Variants in COX18 observed in about 807,000 individuals in gnomAD.
COX18 encodes cytochrome c oxidase assembly factor COX18.
Under a neutral mutation model 38.0 loss-of-function variants are expected in COX18, and 45 were observed. The observed-to-expected ratio is 1.18, with a 90% CI of 0.93 to 1.52. The LOEUF is 1.52. Ranked by LOEUF, COX18 falls within the 40% of genes most tolerant of loss-of-function variation. COX18 has a pLI of 0.00. For synonymous variants in COX18, 177 were observed against 169.8 expected, an observed-to-expected ratio of 1.04 and a Z score of -0.33; for missense variants, 462 against 423.8, an observed-to-expected ratio of 1.09 and a Z score of -0.79.
In COX18 at chr4:73,052,960, C is replaced by T. The variant is rs1337603569; in HGVS notation, c.*5154G>A. The T allele has an allele frequency of 6.6e-6, 1 of 151,002 alleles. No individual in the cohort carries two copies. The highest frequency in any genetic ancestry group is 1.5e-5 in the Non-Finnish European group (1 of 67,818). The allele number at this position is 151,002 out of a possible 1,614,324, so 9.4% of individuals were successfully genotyped here. ...CCTAAAAAAAAAAAAAAGGTGATTC[C>T]TGGGATTCTTAGAAGAATAAAATAT... is the stretch of plus-strand genomic sequence containing the variant. On this transcript the variant is annotated 3_prime_UTR_variant, in exon 6 of 6. Coordinates refer to ENST00000507544, the MANE Select transcript of COX18 (RefSeq NM_001297732.2).
chr4:73,062,011 C>G (rs758627671), intron 4 of COX18, 91 bp from the exon 5 acceptor site: 1 of 668,868 alleles, frequency 1.5e-6, no homozygotes, highest in Non-Finnish European at 2.7e-6. Context: ...TTTTCACTGG[C>G]CTCCATCTAC....
intron 2 of COX18, 142 bp downstream of exon 2, chr4:73,067,887 A>T (rs1720543236): frequency 2.5e-5 from 3 of 120,450 alleles, no homozygotes; most frequent in Non-Finnish European, 4.4e-5. Flanking sequence ...ATATATATAA[A>T]AAAAGAAATA....
At position 73,069,584 on chromosome 4, in the gene COX18, G is replaced by C. The variant is rs1290659210; in HGVS notation, c.66C>G (p.Asp22Glu). The C allele has an allele frequency of 1.3e-6, 2 of 1,560,260 alleles. No homozygotes were observed. The highest frequency in any genetic ancestry group is 3.8e-5 in the Admixed American group (2 of 52,214). The change falls in exon 1 of 6, where the codon GAC becomes GAG. Residue 22 changes from aspartate to glutamate, a missense_variant. Coordinates refer to ENST00000507544, the MANE Select transcript of COX18 (RefSeq NM_001297732.2). ...TCGTAGGAACCGGCGCAAGCGGCAG[G>C]TCCCTAGCCCAAAGCTGCAGGGCAG... ...PLPALQLWARDLPLAPVPTSG... is the reference protein window; with the variant it reads ...PLPALQLWARELPLAPVPTSG...
chr4:73,062,169 G>A (rs978589699), intron 4 of COX18, among the ~76,000 whole-genome samples: 2 of 151,694 alleles, frequency 1.3e-5, no homozygotes, highest in Admixed American at 6.6e-5. Context: ...TGATCCTCCC[G>A]CCTCCTCCTC....
At position 73,061,846 on chromosome 4, in the gene COX18, C is replaced by T; in HGVS notation, c.798G>A (p.Val266=). ...CCGTTGCAGCAATTGGTATCATCAACACCGACATTGCACGGACAAAGTACG... is the reference window on the plus strand; with the variant it reads ...CCGTTGCAGCAATTGGTATCATCAATACCGACATTGCACGGACAAAGTACG... ...YITYFVRAMS[V]LMIPIAATVP... The change falls in exon 5 of 6, where the codon GTG becomes GTA. Residue 266 remains valine, a synonymous_variant. Coordinates refer to ENST00000507544, the MANE Select transcript of COX18 (RefSeq NM_001297732.2). 1 of 1,612,974 alleles carries T rather than the reference C, an allele frequency of 6.2e-7. No individual in the cohort carries two copies. The highest frequency in any genetic ancestry group is 8.5e-7 in the Non-Finnish European group (1 of 1,179,268).
rs16849151 is a variant in COX18, at chr4:73,056,832, A to C, written c.*1282T>G. 34,277 of 152,134 alleles carry C rather than the reference A, an allele frequency of 0.23. 5,110 individuals carry two copies. The highest frequency in any genetic ancestry group is 0.42 in the African/African-American group (17,381 of 41,456). The allele number at this position is 152,134 out of a possible 1,614,324, so 9.4% of individuals were successfully genotyped here. On this transcript the variant is annotated 3_prime_UTR_variant, in exon 6 of 6. Coordinates refer to ENST00000507544, the MANE Select transcript of COX18 (RefSeq NM_001297732.2). ...CTCTCCACCTCCAAAATAATAAGAA[A>C]CATCTCAGCTGGGCACAGTGGCTCA... is the stretch of plus-strand genomic sequence containing the variant.
chr4:73,067,961 T>G, intron 2 of COX18, 68 bp downstream of exon 2: 1 of 391,754 alleles, frequency 2.6e-6, no homozygotes, highest in Non-Finnish European at 4.2e-6. Flanking sequence ...TGTATGTGTG[T>G]GTGTGTGTGT....
At chr4:73,065,057 T>C (rs528893062) in intron 3 of COX18, among the ~76,000 whole-genome samples, 155 bp from the exon 4 acceptor site, 1 of 152,256 alleles carries the variant, frequency 6.6e-6, no homozygotes, top group East Asian at 1.9e-4. Flanking sequence ...ACAATATATA[T>C]ATTTTTTCTC....
chr4:73,061,684 G>A (rs1474035068), intron 5 of COX18, 129 bp downstream of exon 5: 6 of 610,608 alleles, frequency 9.8e-6, no homozygotes, highest in African/African-American at 1.9e-5. Flanking sequence ...CTCCAGCCTG[G>A]GTGACAGAGC....
intron 3 of COX18, 112 bp from the exon 4 acceptor site, chr4:73,065,014 G>C (rs184673964): frequency 4.6e-6 from 5 of 1,092,714 alleles, no homozygotes; most frequent in Non-Finnish European, 6.6e-6. Flanking sequence ...TCACAGGAAA[G>C]ATCTGCACTG....
At chr4:73,066,440 C>G (rs115862244) in intron 2 of COX18, among the ~76,000 whole-genome samples, 365 of 152,308 alleles carry the variant, frequency 2.4e-3, no homozygotes, top group African/African-American at 7.0e-3. Context: ...GTAATTCCAG[C>G]TACTTGGGAG....
chr4:73,053,408 G>C lies in COX18; in HGVS notation c.*4706C>G, dbSNP rs965893289. ...TTACAAGGGGGATAATGAAACTTACGCGATGTCTGGGAAGACTGTAATCCC... is the reference window on the plus strand; with the variant it reads ...TTACAAGGGGGATAATGAAACTTACCCGATGTCTGGGAAGACTGTAATCCC... On this transcript the variant is annotated 3_prime_UTR_variant, in exon 6 of 6. Transcript: ENST00000507544. 1 of 152,130 alleles carries C rather than the reference G, an allele frequency of 6.6e-6. No individual in the cohort carries two copies. The highest frequency in any genetic ancestry group is 2.4e-5 in the African/African-American group (1 of 41,422). 9.4% of individuals were successfully genotyped at this position (152,130 alleles called of 1,614,324 possible). A position where few individuals can be genotyped will look rare whatever the true frequency, so the allele number is the denominator to read the frequency against.
chr4:73,063,058 A>T (rs1317118204), intron 4 of COX18, among the ~76,000 whole-genome samples: 1 of 152,050 alleles, frequency 6.6e-6, no homozygotes, highest in East Asian at 1.9e-4. Flanking sequence ...TAATTCCAGC[A>T]CTTTGGGAGG....
At chr4:73,062,010 G>GTCAA in intron 4 of COX18, 90 bp from the exon 5 acceptor site, 7 of 489,276 alleles carry the variant, frequency 1.4e-5, no homozygotes, top group South Asian at 9.2e-5. Context: ...TTTTTCACTG[G>GTCAA]CCTCCATCTA....
rs373147977 is a variant in COX18 at position 73,058,133 on chromosome 4, T to C, written c.986A>G (p.Lys329Arg). 17 of 1,589,306 alleles carry C rather than the reference T, an allele frequency of 1.1e-5. No homozygotes were observed. The African/African-American group carries it at 2.3e-4, about 22-fold the overall frequency. ...AATATGTCATTTTCTTGAAATGAAC[T>C]TGGTATTAAAGGCAGCAAATATGTC... Reference protein sequence around the residue: ...YKDIFAAFNTKFISRK With the variant: ...YKDIFAAFNTRFISRK The change falls in exon 6 of 6, where the codon AAG becomes AGG. Residue 329 changes from lysine to arginine, a missense_variant. Coordinates refer to ENST00000507544, the MANE Select transcript of COX18 (RefSeq NM_001297732.2).
chr4:73,059,082 C>T (rs965056505), intron 5 of COX18, among the ~76,000 whole-genome samples: 3 of 152,148 alleles, frequency 2.0e-5, no homozygotes, highest in East Asian at 1.9e-4. Context: ...TGCTGTCAGC[C>T]GGCTCCTAAT....
At chr4:73,067,864 A>AAAAT in intron 2 of COX18, among the ~76,000 whole-genome samples, 165 bp downstream of exon 2, 10 of 20,020 alleles carry the variant, frequency 5.0e-4, no homozygotes, top group African/African-American at 7.3e-4. Context: ...AAAAAAAAAA[A>AAAAT]ATATATATAT....
intron 4 of COX18, among the ~76,000 whole-genome samples, chr4:73,063,812 T>G (rs887724393): frequency 1.2e-4 from 19 of 152,216 alleles, no homozygotes; most frequent in Non-Finnish European, 2.6e-4. Flanking sequence ...AGGGGTATAT[T>G]AGATTTCACA....
intron 4 of COX18, among the ~76,000 whole-genome samples, chr4:73,062,872 C>A (rs1213102715): frequency 6.6e-6 from 1 of 151,444 alleles, no homozygotes; most frequent in African/African-American, 2.4e-5. Context: ...AAAAAGACTT[C>A]TCCATAATTA....
Sources: allele counts gnomAD v4.1 joint callset (sites outside exome capture counted in the v4.1 genomes callset), GRCh38; gene constraint gnomAD v4.1.1; transcripts MANE v1.5; gene names NCBI Gene and HGNC (gene_info 2026-07-23, HGNC 2026-07-21).